The following LAMB3 variants were observed in gnomAD, a reference collection of about 807,000 sequenced individuals.
LAMB3 encodes the protein laminin subunit beta-3.
In LAMB3, 104 loss-of-function variants were observed where a neutral mutation model predicts 140.3. The ratio of observed to expected loss-of-function variants is 0.74; its 90% CI spans 0.63 to 0.87. The LOEUF (loss-of-function observed/expected upper bound fraction) is 0.87, where lower values mean the gene tolerates loss of function less well. LAMB3 is among the 40% of genes least tolerant of loss of function. The probability of loss-of-function intolerance (pLI) is 0.00; values close to 1 mark genes in which losing one functional copy is unlikely to be tolerated. For missense variants in LAMB3, 1,531 were observed against 1,575.2 expected (o/e 0.97, Z 0.47); for synonymous variants, 592 against 602.9 (o/e 0.98, Z 0.26).
At position 209,623,581 on chromosome 1, in the gene LAMB3, C is replaced by T. The variant is rs1389467229; in HGVS notation, c.2282G>A (p.Gly761Asp). 1.2e-6 allele frequency: 2 copies of T among 1,613,586 alleles called. No homozygotes were observed. Among genetic ancestry groups the T allele is most frequent in the Non-Finnish European group, 1.7e-6 (2 of 1,179,564 alleles). ...GGCCACAAGCTTGGGGCTGCCGGTG[C>T]CTCCTCCTCCTCCCGCCTGCCGCAC... The part of the protein sequence containing the change: ...RLVRQAGGGG[G>D]TGSPKLVALR... Residue 761 changes from glycine (G) to aspartate (D), a missense_variant, in exon 16 of 23, where the codon GGC becomes GAC. By Grantham distance (94) the Gly-to-Asp change is moderately conservative (BLOSUM62 -1). Coordinates refer to ENST00000356082, the MANE Select transcript of LAMB3 (RefSeq NM_000228.3). The surrounding 1 kb of genome is among the most constrained non-coding windows in gnomAD (Gnocchi z 4.2).
rs768257008 is a variant in LAMB3 at position 209,617,434 on chromosome 1, G to C, written c.3204C>G (p.Ser1068Arg). Residue 1068 changes from serine (S) to arginine (R), a missense_variant, in exon 21 of 23, where the codon AGC becomes AGG. Transcript: ENST00000356082. ...CCTCTTGGGCACTCAATGCCTGCTC[G>C]CTGGCACCTTCCGCAAGCTGCTGGG... Reference protein sequence around the residue: ...VQAQQLAEGASEQALSAQEGF... With the variant: ...VQAQQLAEGAREQALSAQEGF... 6.2e-7 allele frequency: 1 copy of C among 1,612,800 alleles called. No homozygotes were observed. The highest frequency in any genetic ancestry group is 1.1e-5 in the South Asian group (1 of 91,024).
Position 209,625,862 on chromosome 1 carries a change from A to C in LAMB3, c.1762T>G (p.Tyr588Asp). Residue 588 changes from tyrosine to aspartate, a missense_variant, in exon 14 of 23, where the codon TAT (tyrosine) becomes GAT (aspartate). Transcript: ENST00000356082. ...GCCTGCTCCCGGAGGTCCGCATCAT[A>C]GGTCTGGAAGCAAGGGTGGCAGGCC... ...CVACHPCFQT[Y>D]DADLREQALR... The C allele has an allele frequency of 1.2e-6, 2 of 1,614,076 alleles. No homozygotes were observed. The highest frequency in any genetic ancestry group is 1.7e-6 in the Non-Finnish European group (2 of 1,179,994).
In LAMB3 at chr1:209,626,002, G is replaced by T; in HGVS notation, c.1622C>A (p.Thr541Lys). The T allele has an allele frequency of 6.2e-7, 1 of 1,613,162 alleles. No homozygotes were observed. The highest frequency in any genetic ancestry group is 8.5e-7 in the Non-Finnish European group (1 of 1,179,446). ...TGCCTTGTCGCAGCCCGGGCCCTCT[G>T]TTCCCCGGAAATCACAGTCACAGGC... ...CRACDCDFRG[T>K]EGPGCDKASG... is the part of the protein sequence containing the mutation. Residue 541 changes from threonine (T) to lysine (K), a missense_variant, in exon 14 of 23, where the codon ACA becomes AAA. Thr to Lys is a moderately conservative substitution (Grantham distance 78, BLOSUM62 -1). Coordinates refer to ENST00000356082, the MANE Select transcript of LAMB3 (RefSeq NM_000228.3).
chr1:209,630,592 G>T (rs368686961), intron 9 of LAMB3, 23 bp downstream of exon 9: 274 of 1,613,980 alleles, frequency 1.7e-4, no homozygotes, highest in Middle Eastern at 4.9e-4. Context: ...CCCTACAGGG[G>T]AGGGGTGATC....
chr1:209,630,247 G>A (rs900070147), intron 9 of LAMB3, among the ~76,000 whole-genome samples: 3 of 152,130 alleles, frequency 2.0e-5, no homozygotes, highest in African/African-American at 7.2e-5. Context: ...GTCTCCTCCT[G>A]GGTCACTGCC....
intron 18 of LAMB3, 104 bp downstream of exon 18, chr1:209,622,432 A>C (rs1475475155): frequency 2.2e-6 from 3 of 1,386,364 alleles, no homozygotes; most frequent in Non-Finnish European, 3.0e-6. Flanking sequence ...TGGATGTTGC[A>C]GGCCTGGGAC....
intron 22 of LAMB3, among the ~76,000 whole-genome samples, chr1:209,615,719 T>C (rs192547953): frequency 6.6e-6 from 1 of 152,332 alleles, no homozygotes; most frequent in East Asian, 1.9e-4. Flanking sequence ...CATCATATCT[T>C]AGCGATGACT....
At chr1:209,621,910 G>C (rs928823229) in intron 18 of LAMB3, among the ~76,000 whole-genome samples, 2 of 152,220 alleles carry the variant, frequency 1.3e-5, no homozygotes, top group Admixed American at 6.5e-5. Context: ...CCCTCCTGGA[G>C]TCCCCATTCT....
rs144275374 is a variant in LAMB3 at position 209,623,106 on chromosome 1, C to A, written c.2432G>T (p.Gly811Val). Residue 811 changes from glycine to valine, a missense_variant, in exon 17 of 23, where the codon GGC becomes GTC. Transcript: ENST00000356082. The surrounding 1 kb of genome is among the most constrained non-coding windows in gnomAD (Gnocchi z 4.2). ...CPGELCPQDN[G>V]TACGSRCRGV... ...CCTGCAGCGGGAGCCACAGGCTGTG[C>A]CATTGTCTTGGGGACATAGCTCACC... 6 of 1,614,104 alleles carry A rather than the reference C, an allele frequency of 3.7e-6. No individual in the cohort carries two copies. Among genetic ancestry groups the A allele is most frequent in the Non-Finnish European group, 3.4e-6 (4 of 1,180,040 alleles).
chr1:209,618,485 G>T lies in LAMB3; in HGVS notation c.2876C>A (p.Ala959Asp), dbSNP rs1311536615. The change falls in exon 19 of 23, where the codon GCC becomes GAC. Residue 959 changes from alanine (A) to aspartate (D), a missense_variant. Transcript: ENST00000356082. ...CTCAGCCTCAGCCTGCAACCGGCGG[G>T]CACGCGCAATGTCCTGCTTGGTCTG... ...LSQTKQDIARARRLQAEAEEA... is the reference protein window; with the variant it reads ...LSQTKQDIARDRRLQAEAEEA... 6.2e-7 allele frequency: 1 copy of T among 1,614,198 alleles called. No individual in the cohort carries two copies. Among genetic ancestry groups the T allele is most frequent in the African/African-American group, 1.3e-5 (1 of 75,080 alleles).
chr1:209,617,322 G>A, intron 21 of LAMB3, 88 bp downstream of exon 21: 1 of 1,391,634 alleles, frequency 7.2e-7, no homozygotes, highest in African/African-American at 1.4e-5. Context: ...TTTTGAGTTT[G>A]TGGTCTTATA....
chr1:209,637,062 T>G (rs1292109452), intron 5 of LAMB3, among the ~76,000 whole-genome samples: 1 of 152,238 alleles, frequency 6.6e-6, no homozygotes, highest in African/African-American at 2.4e-5. Flanking sequence ...GGAGACTATT[T>G]AACACTGTCT....
At chr1:209,615,508 T>G in intron 22 of LAMB3, 101 bp from the exon 23 acceptor site, 1 of 1,365,498 alleles carries the variant, frequency 7.3e-7, no homozygotes, top group Non-Finnish European at 9.8e-7. Context: ...GTAGCATGTG[T>G]AGAGGAATCC....
chr1:209,635,947 T>C (rs955781257), intron 5 of LAMB3, among the ~76,000 whole-genome samples: 1 of 152,208 alleles, frequency 6.6e-6, no homozygotes, highest in Non-Finnish European at 1.5e-5. Flanking sequence ...TCAGAGCCTT[T>C]GTCCAGTCTT....
At chr1:209,649,911 C>T in intron 3 of LAMB3, 53 bp downstream of exon 3, 1 of 1,598,864 alleles carries the variant, frequency 6.3e-7, no homozygotes, top group Non-Finnish European at 8.6e-7. Flanking sequence ...CAAATGGCAG[C>T]TCACACACCC....
intron 21 of LAMB3, 61 bp downstream of exon 21, chr1:209,617,349 C>G (rs1344037009): frequency 1.3e-6 from 2 of 1,543,112 alleles, no homozygotes; most frequent in African/African-American, 2.7e-5. Flanking sequence ...GCAAAGTCCT[C>G]CTCTGCTCAG....
chr1:209,632,838 A>G, intron 7 of LAMB3, 62 bp from the exon 8 acceptor site: 7 of 1,488,528 alleles, frequency 4.7e-6, no homozygotes, highest in Non-Finnish European at 6.6e-6. Flanking sequence ...AAAGGAAGTT[A>G]GAGGCACATA....
chr1:209,628,326 T>G, intron 10 of LAMB3, 136 bp from the exon 11 acceptor site: 1 of 954,342 alleles, frequency 1.0e-6, no homozygotes, highest in Admixed American at 2.0e-5. Context: ...TCAAGTTACT[T>G]AATCCCTCTG....
chr1:209,622,416 G>A, intron 18 of LAMB3, 120 bp downstream of exon 18: 2 of 1,181,488 alleles, frequency 1.7e-6, no homozygotes, highest in African/African-American at 1.5e-5. Context: ...AGGAGAAGTG[G>A]AGGCCTGGAT....
Sources: allele counts gnomAD v4.1 joint callset (sites outside exome capture counted in the v4.1 genomes callset), GRCh38; gene constraint gnomAD v4.1.1; non-coding constraint Gnocchi (gnomAD v3.1); transcripts MANE v1.5; gene names NCBI Gene and HGNC (gene_info 2026-07-23, HGNC 2026-07-21).